Variants in JAK1 observed in about 807,000 individuals in gnomAD.
JAK1 encodes tyrosine-protein kinase JAK1.
Under a neutral mutation model 136.6 loss-of-function variants are expected in JAK1, and 16 were observed. The observed-to-expected ratio is 0.12, with a 90% CI of 0.08 to 0.18. The LOEUF (loss-of-function observed/expected upper bound fraction) is 0.18. Ranked by LOEUF, JAK1 falls within the 10% of genes least tolerant of loss-of-function variation. The pLI is 1.00. For synonymous variants in JAK1, 492 were observed against 519.5 expected (o/e 0.95, Z 0.72); for missense variants, 859 against 1,450.1 (o/e 0.59, Z 6.62).
chr1:64,840,057 A>G (rs1011247983), intron 19 of JAK1, among the ~76,000 whole-genome samples: 7 of 152,234 alleles, frequency 4.6e-5, no homozygotes, highest in African/African-American at 1.7e-4. Flanking sequence ...CCCAATTTCT[A>G]TGACCACAGG....
At chr1:64,924,317 G>A (rs545276278) in intron 1 of JAK1, among the ~76,000 whole-genome samples, 1 of 152,304 alleles carries the variant, frequency 6.6e-6, no homozygotes, top group East Asian at 1.9e-4. Flanking sequence ...ACAGGTTCTA[G>A]GTTCAGAAAA....
At chr1:64,849,330 C>T (rs529781696) in intron 12 of JAK1, among the ~76,000 whole-genome samples, 71 of 152,316 alleles carry the variant, frequency 4.7e-4, no homozygotes, top group Non-Finnish European at 5.6e-4. Context: ...GCTGGGACTA[C>T]AGCTGCTTAC....
chr1:64,920,884 G>C (rs1249269335), intron 1 of JAK1, among the ~76,000 whole-genome samples: 1 of 152,206 alleles, frequency 6.6e-6, no homozygotes. Flanking sequence ...AACAGGTCCA[G>C]TGCAAAACTG....
At chr1:64,977,793 T>C (rs1030291999) in intron 2 of JAK1, among the ~76,000 whole-genome samples, 1 of 152,120 alleles carries the variant, frequency 6.6e-6, no homozygotes, top group Non-Finnish European at 1.5e-5. Context: ...GAACACACTA[T>C]CTGCCCAGCA....
chr1:64,909,645 A>AC (rs1473495818), intron 1 of JAK1, among the ~76,000 whole-genome samples: 8 of 116,304 alleles, frequency 6.9e-5, no homozygotes, highest in African/African-American at 2.6e-4. Context: ...ACATAGTGAA[A>AC]CCCCCTCTCT....
At chr1:65,064,319 T>C (rs1647949128) in intron 1 of JAK1, among the ~76,000 whole-genome samples, 1 of 152,192 alleles carries the variant, frequency 6.6e-6, no homozygotes, top group Non-Finnish European at 1.5e-5. Flanking sequence ...GGCTACCATA[T>C]TAGGGCAGGT....
At chr1:64,898,190 G>C (rs920074699) in intron 1 of JAK1, among the ~76,000 whole-genome samples, 1 of 152,190 alleles carries the variant, frequency 6.6e-6, no homozygotes. Context: ...TGGTTGTCGC[G>C]TCTGGCTGGG....
At chr1:64,954,325 A>G (rs1646144183) in intron 1 of JAK1, among the ~76,000 whole-genome samples, 1 of 152,208 alleles carries the variant, frequency 6.6e-6, no homozygotes, top group South Asian at 2.1e-4. Context: ...TAAATATCAA[A>G]TGCAAAATAC....
intron 1 of JAK1, among the ~76,000 whole-genome samples, chr1:64,912,798 C>G (rs1475065279): frequency 2.6e-5 from 4 of 152,160 alleles, no homozygotes; most frequent in African/African-American, 4.8e-5. Context: ...CCTTCTGGAA[C>G]ATGAAACATT....
In JAK1 at chr1:64,958,222, C is replaced by G. The variant is rs542951559; in HGVS notation, c.-78+8111G>C. On this transcript the variant is annotated intron_variant, in intron 1 of 24. Coordinates refer to ENST00000342505, the MANE Select transcript of JAK1 (RefSeq NM_002227.4). ...ATGGTAGGTGGCCTGCTTCCTAAAT[C>G]ACATCAAGTGGGCTTACAATTTATG... Among the ~76,000 whole-genome samples the G allele has an allele frequency of 1.9e-3, 287 of 152,288 alleles. 1 individual carries two copies. Among genetic ancestry groups the G allele is most frequent in the African/African-American group, 6.5e-3 (271 of 41,556 alleles).
At chr1:64,989,000 G>GTATATA (rs1343195557) in intron 2 of JAK1, among the ~76,000 whole-genome samples, 74 of 91,848 alleles carry the variant, frequency 8.1e-4, no homozygotes, top group Middle Eastern at 5.6e-3. Flanking sequence ...GTGTGTGTGT[G>GTATATA]TGTATATATA....
intron 1 of JAK1, among the ~76,000 whole-genome samples, chr1:64,954,501 T>A (rs1215835352): frequency 6.6e-6 from 1 of 152,222 alleles, no homozygotes; most frequent in African/African-American, 2.4e-5. Flanking sequence ...CAAGGTGCTT[T>A]GCTCGTTTTC....
chr1:65,064,694 C>G (rs544836042), intron 1 of JAK1, among the ~76,000 whole-genome samples: 1 of 152,226 alleles, frequency 6.6e-6, no homozygotes, highest in African/African-American at 2.4e-5. Flanking sequence ...TATTGTTTAT[C>G]ACAATTATTG....
intron 3 of JAK1, among the ~76,000 whole-genome samples, chr1:64,881,489 C>T (rs1644771745): frequency 6.6e-6 from 1 of 151,918 alleles, no homozygotes; most frequent in Admixed American, 6.6e-5. Flanking sequence ...AACTTTACCC[C>T]ACAGAGGTGA....
chr1:64,909,705 TC>T (rs1645250207), intron 1 of JAK1, among the ~76,000 whole-genome samples: 1 of 150,602 alleles, frequency 6.6e-6, no homozygotes, highest in African/African-American at 2.4e-5. Context: ...ATGCCTGTAG[TC>T]CCAGCTACTT....
At chr1:64,962,599 G>C (rs1441355061) in intron 1 of JAK1, among the ~76,000 whole-genome samples, 1 of 152,184 alleles carries the variant, frequency 6.6e-6, no homozygotes, top group Non-Finnish European at 1.5e-5. Context: ...TTAGTTTCCG[G>C]TCCCTGAAAC....
At chr1:64,957,957 A>G (rs909962798) in intron 1 of JAK1, among the ~76,000 whole-genome samples, 1 of 142,770 alleles carries the variant, frequency 7.0e-6, no homozygotes, top group Non-Finnish European at 1.5e-5. Context: ...AAAAAAAAAA[A>G]GTGTACTGCA....
At chr1:65,042,995 T>C (rs1007196821) in intron 2 of JAK1, among the ~76,000 whole-genome samples, 3 of 151,852 alleles carry the variant, frequency 2.0e-5, no homozygotes, top group African/African-American at 7.3e-5. Context: ...CCATTACAGG[T>C]TCTCTATGTT....
chr1:65,010,979 T>A (rs370389471), intron 2 of JAK1, among the ~76,000 whole-genome samples: 3 of 152,126 alleles, frequency 2.0e-5, no homozygotes, highest in Non-Finnish European at 4.4e-5. Flanking sequence ...CAGAGACAGA[T>A]CCTGTCTCTA....
Sources: allele counts gnomAD v4.1 joint callset (sites outside exome capture counted in the v4.1 genomes callset), GRCh38; gene constraint gnomAD v4.1.1; transcripts MANE v1.5; gene names NCBI Gene and HGNC (gene_info 2026-07-23, HGNC 2026-07-21).